EDIL3: variants seen among roughly 807,000 people sequenced by gnomAD.
The protein encoded by EDIL3 is EGF like and discoidin domains 3, also known as EGF-like repeat and discoidin I-like domain-containing protein 3.
EDIL3 carries 37 observed loss-of-function variants against 67.4 expected under a neutral mutation model. The observed-to-expected ratio is 0.55, with a 90% confidence interval of 0.42 to 0.72. The LOEUF is 0.72. EDIL3 is among the 30% of genes least tolerant of loss of function. EDIL3 has a pLI of 0.00. For missense variants in EDIL3, 527 were observed against 586.3 expected, an observed-to-expected ratio of 0.90 and a Z score of 1.04; for synonymous variants, 195 against 196.3, an observed-to-expected ratio of 0.99 and a Z score of 0.05.
At chr5:84,209,309 G>A (rs1448189584) in intron 3 of EDIL3, among the ~76,000 whole-genome samples, 4 of 151,898 alleles carry the variant, frequency 2.6e-5, no homozygotes, top group East Asian at 1.9e-4. Flanking sequence ...ACACCAGCAT[G>A]GCACATGTAT....
At chr5:83,979,355 A>C (rs1339747478) in intron 9 of EDIL3, among the ~76,000 whole-genome samples, 1 of 152,122 alleles carries the variant, frequency 6.6e-6, no homozygotes, top group Non-Finnish European at 1.5e-5. Flanking sequence ...ACAAATTAAT[A>C]ATATTTAGTG....
chr5:84,222,094 T>C (rs761194644), intron 3 of EDIL3, among the ~76,000 whole-genome samples: 6 of 152,098 alleles, frequency 3.9e-5, no homozygotes, highest in African/African-American at 1.4e-4. Context: ...AAGATATCTG[T>C]AGCATGGGTA....
At chr5:84,319,362 G>T (rs1330895413) in intron 1 of EDIL3, among the ~76,000 whole-genome samples, 2 of 111,072 alleles carry the variant, frequency 1.8e-5, no homozygotes, top group Non-Finnish European at 4.0e-5. Flanking sequence ...TACTCGGGAG[G>T]CTGAGGCAGG....
At chr5:84,375,597 C>A (rs929128660) in intron 1 of EDIL3, among the ~76,000 whole-genome samples, 2 of 152,062 alleles carry the variant, frequency 1.3e-5, no homozygotes, top group African/African-American at 4.8e-5. Context: ...CTTTGTACTA[C>A]CTGATGTATC....
At chr5:84,020,076 C>CAAAAAAAAAAAAAAAAAAAAA (rs9293362) in intron 9 of EDIL3, among the ~76,000 whole-genome samples, 1 of 128,326 alleles carries the variant, frequency 7.8e-6, no homozygotes, top group Non-Finnish European at 1.6e-5. Context: ...ATCTTTTGTA[C>CAAAAAAAAAAAAAAAAAAAAA]AAAAAAAAAA....
chr5:84,226,195 A>C (rs1200252837), intron 3 of EDIL3, among the ~76,000 whole-genome samples: 2 of 151,860 alleles, frequency 1.3e-5, no homozygotes, highest in Admixed American at 1.3e-4. Context: ...AACTGAAACA[A>C]AATGGTGAAA....
chr5:84,267,399 C>T (rs1386329593), intron 1 of EDIL3, among the ~76,000 whole-genome samples: 2 of 152,124 alleles, frequency 1.3e-5, no homozygotes, highest in African/African-American at 4.8e-5. Flanking sequence ...GATAATTTAT[C>T]CTCCTAAGGT....
chr5:83,996,759 C>T (rs552051789), intron 9 of EDIL3, among the ~76,000 whole-genome samples: 1 of 152,268 alleles, frequency 6.6e-6, no homozygotes, highest in South Asian at 2.1e-4. Context: ...GACACGTCTT[C>T]CTAGAAAAGG....
chr5:84,028,166 C>T (rs1745851762), intron 9 of EDIL3, among the ~76,000 whole-genome samples: 1 of 152,090 alleles, frequency 6.6e-6, no homozygotes, highest in Non-Finnish European at 1.5e-5. Flanking sequence ...AATTCCCTCC[C>T]CCATTTTTTT....
chr5:84,256,152 T>TATCTATC (rs1561236922), intron 1 of EDIL3, among the ~76,000 whole-genome samples: 222 of 146,370 alleles, frequency 1.5e-3, no homozygotes, highest in African/African-American at 5.2e-3. Context: ...ATCTATCATC[T>TATCTATC]ATCTATCTAT....
intron 9 of EDIL3, among the ~76,000 whole-genome samples, chr5:83,976,937 T>C (rs1052155574): frequency 6.6e-6 from 1 of 151,858 alleles, no homozygotes; most frequent in African/African-American, 2.4e-5. Context: ...TTATTTTTAC[T>C]GCACCATAAC....
chr5:84,029,926 G>C (rs1745888020), intron 9 of EDIL3, among the ~76,000 whole-genome samples: 1 of 152,152 alleles, frequency 6.6e-6, no homozygotes, highest in Non-Finnish European at 1.5e-5. Flanking sequence ...GTACAAGAAA[G>C]TGGCAAGAAA....
intron 3 of EDIL3, among the ~76,000 whole-genome samples, chr5:84,197,183 C>A (rs1414466069): frequency 6.6e-6 from 1 of 151,760 alleles, no homozygotes; most frequent in Non-Finnish European, 1.5e-5. Flanking sequence ...ATCCTATGTG[C>A]CAAGGGAGAT....
At chr5:84,048,735 C>A (rs994055638) in intron 9 of EDIL3, among the ~76,000 whole-genome samples, 1 of 151,842 alleles carries the variant, frequency 6.6e-6, no homozygotes, top group African/African-American at 2.4e-5. Context: ...ACCACCAATA[C>A]GGCAATGAAT....
intron 9 of EDIL3, among the ~76,000 whole-genome samples, chr5:83,986,442 G>C (rs1414233593): frequency 6.6e-6 from 1 of 152,142 alleles, no homozygotes; most frequent in East Asian, 1.9e-4. Context: ...GCATTACTTA[G>C]AAGAGTTTTG....
At chr5:84,209,593 T>C (rs1443583220) in intron 3 of EDIL3, among the ~76,000 whole-genome samples, 1 of 151,800 alleles carries the variant, frequency 6.6e-6, no homozygotes, top group Non-Finnish European at 1.5e-5. Context: ...ACTATGCCTA[T>C]GTAGCTGCTA....
intron 2 of EDIL3, among the ~76,000 whole-genome samples, chr5:84,250,616 G>C (rs1481432627): frequency 6.6e-6 from 1 of 152,162 alleles, no homozygotes; most frequent in Non-Finnish European, 1.5e-5. Context: ...AAGTAGTAAG[G>C]TTTGAGGTAA....
chr5:84,283,665 T>A (rs564993032), intron 1 of EDIL3, among the ~76,000 whole-genome samples: 1 of 152,194 alleles, frequency 6.6e-6, no homozygotes, highest in Non-Finnish European at 1.5e-5. Flanking sequence ...TCTCTCATTA[T>A]CACTGGGCAC....
At chr5:84,165,506 G>A (rs1748689471) in intron 4 of EDIL3, among the ~76,000 whole-genome samples, 1 of 152,036 alleles carries the variant, frequency 6.6e-6, no homozygotes, top group Non-Finnish European at 1.5e-5. Flanking sequence ...TTCCAATATT[G>A]CTCTTGAAGG....
Sources: allele counts gnomAD v4.1 joint callset (sites outside exome capture counted in the v4.1 genomes callset), GRCh38; gene constraint gnomAD v4.1.1; transcripts MANE v1.5; gene names NCBI Gene and HGNC (gene_info 2026-07-23, HGNC 2026-07-21).